Variants in HRH1 observed in about 807,000 individuals in gnomAD.
HRH1 encodes the protein histamine H1 receptor.
Under a neutral mutation model 10.3 loss-of-function variants are expected in HRH1, and 6 were observed. That is an observed-to-expected ratio of 0.58 (90% CI 0.32 to 1.15). HRH1 has a LOEUF of 1.15. HRH1 is among the 50% of genes most tolerant of loss of function. The pLI, the probability that HRH1 is intolerant of heterozygous loss-of-function variation, is 0.05. For missense variants in HRH1, 514 were observed against 615.3 expected (o/e 0.84, Z 1.74); for synonymous variants, 242 against 236.7 (o/e 1.02, Z -0.21).
intron 1 of HRH1, among the ~76,000 whole-genome samples, chr3:11,241,004 A>G (rs957861693): frequency 2.0e-4 from 30 of 152,366 alleles, no homozygotes; most frequent in African/African-American, 7.0e-4. Flanking sequence ...ACTAGAGAAA[A>G]TAAAAGATGT....
chr3:11,235,664 C>T lies in HRH1; in HGVS notation c.-35-23339C>T, dbSNP rs555650594. On this transcript the variant is annotated intron_variant, in intron 1 of 1. Transcript: ENST00000431010. ...AGTCCCGGCTCCCTGCTAGGAATGGCGGGGACGCCACCCCAGCAAGGGGAG... is the reference window on the plus strand; with the variant it reads ...AGTCCCGGCTCCCTGCTAGGAATGGTGGGGACGCCACCCCAGCAAGGGGAG... Among the ~76,000 whole-genome samples, 21 of 152,310 alleles carry T rather than the reference C, an allele frequency of 1.4e-4. No homozygotes were observed. In the South Asian group the frequency reaches 2.3e-3, roughly 17 times the overall value.
rs1272603919 is a variant in HRH1, at chr3:11,180,224, C to T, written c.-36+25670C>T. ...TTCATCACCTCAAAAAGAAAGCCTC[C>T]AGCCATTACACTCACTCTCCACTTC... On this transcript the variant is annotated intron_variant, in intron 1 of 1. Coordinates refer to ENST00000431010, the MANE Select transcript of HRH1 (RefSeq NM_001098212.2). 5.3e-5 allele frequency among the ~76,000 whole-genome samples: 8 copies of T among 152,114 alleles called. No individual in the cohort carries two copies. The East Asian group carries it at 7.7e-4, about 15-fold the overall frequency.
chr3:11,187,790 A>G (rs181152610), intron 1 of HRH1, among the ~76,000 whole-genome samples: 4 of 152,318 alleles, frequency 2.6e-5, no homozygotes, highest in East Asian at 1.9e-4. Context: ...CGTGGTGTAC[A>G]TTCTGTTTTC....
intron 1 of HRH1, among the ~76,000 whole-genome samples, chr3:11,165,359 G>T (rs1937010969): frequency 6.6e-6 from 1 of 152,134 alleles, no homozygotes; most frequent in African/African-American, 2.4e-5. Flanking sequence ...TAGGTACTGG[G>T]CATATATCCT....
chr3:11,171,899 ACTT>A (rs1170415743), intron 1 of HRH1, among the ~76,000 whole-genome samples: 5 of 152,302 alleles, frequency 3.3e-5, no homozygotes, highest in Admixed American at 3.3e-4. Flanking sequence ...TAAGGGGAAA[ACTT>A]CTTTCTGTGT....
At chr3:11,181,627 CT>C (rs35710248) in intron 1 of HRH1, among the ~76,000 whole-genome samples, 5,788 of 112,970 alleles carry the variant, frequency 0.051, 48 homozygotes, top group East Asian at 0.16. Flanking sequence ...ATCCCTTGCT[CT>C]TTTTTTTTTT....
intron 1 of HRH1, among the ~76,000 whole-genome samples, chr3:11,157,707 A>T (rs571948631): frequency 6.6e-6 from 1 of 152,340 alleles, no homozygotes; most frequent in Admixed American, 6.5e-5. Context: ...GCCAGGATCG[A>T]AGCTGACAGC....
intron 1 of HRH1, among the ~76,000 whole-genome samples, chr3:11,184,568 A>C (rs1179075539): frequency 1.3e-5 from 2 of 152,154 alleles, no homozygotes; most frequent in Middle Eastern, 3.2e-3. Context: ...CAGGAGTGGC[A>C]GAAGTGCTTT....
intron 1 of HRH1, among the ~76,000 whole-genome samples, chr3:11,219,175 G>T (rs557709317): frequency 1.3e-5 from 2 of 152,154 alleles, no homozygotes; most frequent in East Asian, 1.9e-4. Context: ...AGGAGTGAGC[G>T]ACCGCGCCTG....
intron 1 of HRH1, among the ~76,000 whole-genome samples, chr3:11,166,501 C>T (rs1473156161): frequency 6.6e-5 from 10 of 152,166 alleles, no homozygotes; most frequent in Admixed American, 5.2e-4. Flanking sequence ...TTGTACTTTC[C>T]GGCTTCTCCA....
intron 1 of HRH1, chr3:11,234,411 A>G: frequency 6.2e-7 from 1 of 1,604,880 alleles, no homozygotes; most frequent in East Asian, 2.2e-5. Flanking sequence ...ATGGCCCGGA[A>G]CCGGTCTACA....
At chr3:11,218,173 G>A (rs927154869) in intron 1 of HRH1, among the ~76,000 whole-genome samples, 5 of 152,194 alleles carry the variant, frequency 3.3e-5, no homozygotes, top group Non-Finnish European at 7.3e-5. Context: ...AAGGCCAGGC[G>A]CGGTGGCTCA....
chr3:11,182,175 G>A (rs902693435), intron 1 of HRH1, among the ~76,000 whole-genome samples: 1 of 151,450 alleles, frequency 6.6e-6, no homozygotes, highest in African/African-American at 2.4e-5. Flanking sequence ...TAGAGACAGG[G>A]TTTCACCATC....
chr3:11,212,159 G>T (rs1301563247), intron 1 of HRH1, among the ~76,000 whole-genome samples: 1 of 152,152 alleles, frequency 6.6e-6, no homozygotes, highest in Non-Finnish European at 1.5e-5. Flanking sequence ...TCATAGAATT[G>T]CGACAGGAAT....
intron 1 of HRH1, among the ~76,000 whole-genome samples, chr3:11,250,234 T>G (rs4684768): frequency 7.9e-6 from 1 of 126,010 alleles, no homozygotes; most frequent in African/African-American, 3.1e-5. Flanking sequence ...TTTTTTTTTG[T>G]ATTTTTAGTG....
chr3:11,175,955 T>C (rs1937240321), intron 1 of HRH1, among the ~76,000 whole-genome samples: 1 of 151,916 alleles, frequency 6.6e-6, no homozygotes, highest in South Asian at 2.1e-4. Context: ...GCCCAGGAGT[T>C]CTAGACTAGC....
intron 1 of HRH1, among the ~76,000 whole-genome samples, chr3:11,245,921 A>G (rs1939467311): frequency 6.6e-6 from 1 of 151,980 alleles, no homozygotes; most frequent in Admixed American, 6.6e-5. Flanking sequence ...ACACTCTTAG[A>G]CACTCACACA....
In HRH1 at chr3:11,191,684, T is replaced by C. The variant is rs369752940; in HGVS notation, c.-36+37130T>C. Reference sequence around the variant, plus strand: ...AGCCCCAGACTCAGTTACTACATCATTGCTAATAAACTAGAGGAATTAAGT... The same window carrying C: ...AGCCCCAGACTCAGTTACTACATCACTGCTAATAAACTAGAGGAATTAAGT... On this transcript the variant is annotated intron_variant, in intron 1 of 1. Coordinates refer to ENST00000431010, the MANE Select transcript of HRH1 (RefSeq NM_001098212.2). Among the ~76,000 whole-genome samples the C allele has an allele frequency of 1.4e-4, 22 of 152,300 alleles. No homozygotes were observed. The East Asian group carries it at 3.5e-3, about 24-fold the overall frequency.
At chr3:11,250,135 C>T (rs748554029) in intron 1 of HRH1, among the ~76,000 whole-genome samples, 1 of 149,120 alleles carries the variant, frequency 6.7e-6, no homozygotes, top group Non-Finnish European at 1.5e-5. Flanking sequence ...CTCCGACTCC[C>T]GCGTTCACGC....
Sources: allele counts gnomAD v4.1 joint callset (sites outside exome capture counted in the v4.1 genomes callset), GRCh38; gene constraint gnomAD v4.1.1; transcripts MANE v1.5; gene names NCBI Gene and HGNC (gene_info 2026-07-23, HGNC 2026-07-21).